The following RANBP9 variants were observed in gnomAD, a reference collection of about 807,000 sequenced individuals.
The protein encoded by RANBP9 is RAN binding protein 9.
Under a neutral mutation model 84.3 loss-of-function variants are expected in RANBP9, and 15 were observed. That is an observed-to-expected ratio of 0.18 (90% CI 0.12 to 0.27). RANBP9 has a LOEUF of 0.27. Ranked by LOEUF, RANBP9 falls within the 10% of genes least tolerant of loss-of-function variation. The pLI, the probability that RANBP9 is intolerant of heterozygous loss-of-function variation, is 1.00. For synonymous variants in RANBP9, 392 were observed against 349.6 expected (o/e 1.12, Z -1.35); for missense variants, 809 against 912.8 (o/e 0.89, Z 1.46).
In RANBP9 at chr6:13,637,988, C is replaced by T. The variant is rs541826258; in HGVS notation, c.1526-33G>A. On this transcript the variant is annotated intron_variant, in intron 9 of 13. Coordinates refer to ENST00000011619, the MANE Select transcript of RANBP9 (RefSeq NM_005493.3). Reference sequence around the variant, plus strand: ...AAAAGATACCACGTAGAAACAGAAACAAACACTAATTTATTAATACGGTTG... The same window carrying T: ...AAAAGATACCACGTAGAAACAGAAATAAACACTAATTTATTAATACGGTTG... 2.0e-5 allele frequency: 31 copies of T among 1,556,728 alleles called. No homozygotes were observed. The African/African-American group carries it at 2.7e-4, about 14-fold the overall frequency.
chr6:13,641,169 C>A lies in RANBP9; in HGVS notation c.1334+30G>T, dbSNP rs764591896. 6.4e-6 allele frequency: 8 copies of A among 1,246,470 alleles called. No homozygotes were observed. The African/African-American group carries it at 1.1e-4, about 17-fold the overall frequency. 77.2% of individuals were successfully genotyped at this position (1,246,470 alleles called of 1,614,324 possible). A position where few individuals can be genotyped will look rare whatever the true frequency, so the allele number is the denominator to read the frequency against. ...CTTGACAAATATTTATAATATATAA[C>A]AAATATAGCATTTTATTATGCAAAC... On this transcript the variant is annotated intron_variant, in intron 8 of 13. Transcript: ENST00000011619.
chr6:13,622,604 C>G (rs1035964664), intron 13 of RANBP9, 112 bp from the exon 14 acceptor site: 1 of 1,131,268 alleles, frequency 8.8e-7, no homozygotes, highest in East Asian at 2.7e-5. Flanking sequence ...CCATACCACT[C>G]TGAAATATCA....
At chr6:13,709,171 A>C (rs191001881) in intron 1 of RANBP9, among the ~76,000 whole-genome samples, 98 of 152,342 alleles carry the variant, frequency 6.4e-4, no homozygotes, top group African/African-American at 2.0e-3. Context: ...TATGTAAAAG[A>C]CTAAAACTAA....
chr6:13,627,775 AG>A (rs1429951023), intron 12 of RANBP9, among the ~76,000 whole-genome samples: 1 of 152,198 alleles, frequency 6.6e-6, no homozygotes, highest in Non-Finnish European at 1.5e-5. Context: ...AATTTTTCCA[AG>A]GAATACTTGG....
rs77950038 is a variant in RANBP9, at chr6:13,633,417, C to T, written c.1796-896G>A. 7.7e-3 allele frequency among the ~76,000 whole-genome samples: 1,165 copies of T among 152,252 alleles called. 9 individuals are homozygous for T. The highest frequency in any genetic ancestry group is 0.025 in the African/African-American group (1,028 of 41,526). On this transcript the variant is annotated intron_variant, in intron 11 of 13. Coordinates refer to ENST00000011619, the MANE Select transcript of RANBP9 (RefSeq NM_005493.3). The stretch of plus-strand genomic sequence containing the variant: ...TAAGTCATTAAAAATAAGGTAATGA[C>T]GATGATGATGGTTAATATTTCCCAA...
At chr6:13,652,073 T>C (rs1765310918) in intron 5 of RANBP9, among the ~76,000 whole-genome samples, 1 of 152,232 alleles carries the variant, frequency 6.6e-6, no homozygotes, top group African/African-American at 2.4e-5. Flanking sequence ...AAGTCTCACC[T>C]TGAGCAAAGG....
intron 1 of RANBP9, among the ~76,000 whole-genome samples, chr6:13,698,810 C>A (rs1055918230): frequency 6.6e-6 from 1 of 152,060 alleles, no homozygotes; most frequent in African/African-American, 2.4e-5. Context: ...AGTCATACTG[C>A]TAAAAGCGAA....
chr6:13,707,350 C>T (rs1307036655), intron 1 of RANBP9, among the ~76,000 whole-genome samples: 1 of 152,194 alleles, frequency 6.6e-6, no homozygotes, highest in Non-Finnish European at 1.5e-5. Context: ...CCTATAATTC[C>T]CAACTTTGAC....
intron 6 of RANBP9, among the ~76,000 whole-genome samples, chr6:13,644,100 AGTTCAGAT>A (rs1316725008): frequency 6.6e-6 from 1 of 152,202 alleles, no homozygotes; most frequent in African/African-American, 2.4e-5. Flanking sequence ...TACTGCTGAT[AGTTCAGAT>A]ATTAAGAGCT....
intron 1 of RANBP9, among the ~76,000 whole-genome samples, chr6:13,700,338 C>T (rs1757935594): frequency 6.6e-6 from 1 of 152,278 alleles, no homozygotes; most frequent in South Asian, 2.1e-4. Flanking sequence ...GAAAAAGACA[C>T]GCTTCCTGAG....
intron 4 of RANBP9, among the ~76,000 whole-genome samples, chr6:13,656,773 C>T (rs988204391): frequency 1.8e-4 from 28 of 152,238 alleles, no homozygotes; most frequent in Non-Finnish European, 3.4e-4. Context: ...TTTCTTAGCA[C>T]CTGTTACCCA....
chr6:13,677,688 A>G (rs991073647), intron 2 of RANBP9, among the ~76,000 whole-genome samples: 2 of 152,240 alleles, frequency 1.3e-5, no homozygotes, highest in Non-Finnish European at 2.9e-5. Flanking sequence ...TTATGAACAT[A>G]TACCCATTTT....
chr6:13,679,234 TCAGCTGCATCTTTCTC>T (rs1425146182), intron 2 of RANBP9, among the ~76,000 whole-genome samples: 7 of 152,328 alleles, frequency 4.6e-5, no homozygotes, highest in Admixed American at 3.9e-4. Context: ...GCATCTTTCT[TCAGCTGCATCTTTCTC>T]CCATTACCTC....
intron 2 of RANBP9, among the ~76,000 whole-genome samples, chr6:13,696,436 C>T (rs889324212): frequency 1.3e-5 from 2 of 152,154 alleles, no homozygotes; most frequent in Non-Finnish European, 2.9e-5. Context: ...GAATCACCAA[C>T]TGACTATGAT....
At chr6:13,659,749 G>A (rs1448007702) in intron 2 of RANBP9, among the ~76,000 whole-genome samples, 1 of 152,044 alleles carries the variant, frequency 6.6e-6, no homozygotes, top group Non-Finnish European at 1.5e-5. Context: ...AAGAATAAAA[G>A]GAAATTATTT....
intron 1 of RANBP9, among the ~76,000 whole-genome samples, chr6:13,710,292 C>T (rs1355172756): frequency 1.3e-5 from 2 of 152,146 alleles, no homozygotes; most frequent in Non-Finnish European, 2.9e-5. Flanking sequence ...TAGGGCACTT[C>T]CAATCGGGAG....
chr6:13,658,852 G>T lies in RANBP9; in HGVS notation c.684-20C>A. The T allele has an allele frequency of 6.5e-7, 1 of 1,549,762 alleles. No homozygotes were observed. The highest frequency in any genetic ancestry group is 8.9e-7 in the Non-Finnish European group (1 of 1,121,896). The stretch of plus-strand genomic sequence containing the variant: ...ATGTAACTGTTGGCGGAGGTTGGGG[G>T]AGAGAAGAAAAGGACATTATTACAG... On this transcript the variant is annotated intron_variant, in intron 2 of 13. Coordinates refer to ENST00000011619, the MANE Select transcript of RANBP9 (RefSeq NM_005493.3).
rs530799087 is a variant in RANBP9 at position 13,672,712 on chromosome 6, T to C, written c.684-13880A>G. 1.5e-4 allele frequency among the ~76,000 whole-genome samples: 23 copies of C among 152,184 alleles called. No homozygotes were observed. In the South Asian group the frequency reaches 4.1e-3, roughly 27 times the overall value. ...GCATCGAAACCAAACTCAGATAAGG[T>C]AGATTTTGAATGATCAAACTGGACA... On this transcript the variant is annotated intron_variant, in intron 2 of 13. Transcript: ENST00000011619.
intron 2 of RANBP9, among the ~76,000 whole-genome samples, chr6:13,675,559 C>T (rs1015276734): frequency 4.6e-5 from 7 of 151,556 alleles, no homozygotes; most frequent in Middle Eastern, 3.4e-3. Context: ...TTTAACTTTC[C>T]GCCTTAGGAA....
Sources: gnomAD v4.1 joint callset for allele counts (sites outside exome capture counted in the v4.1 genomes callset) on GRCh38, gnomAD v4.1.1 for gene constraint, MANE v1.5 for transcripts, NCBI Gene and HGNC (gene_info 2026-07-23, HGNC 2026-07-21) for gene names.